MCTP2: variants seen among roughly 807,000 people sequenced by gnomAD.
MCTP2 encodes multiple C2 and transmembrane domain containing 2.
MCTP2 carries 132 observed loss-of-function variants against 111.6 expected under a neutral mutation model. That is an observed-to-expected ratio of 1.18 (90% CI 1.03 to 1.37). The LOEUF (loss-of-function observed/expected upper bound fraction) is 1.37. Ranked by LOEUF, MCTP2 falls within the 40% of genes most tolerant of loss-of-function variation. MCTP2 has a pLI of 0.00. For synonymous variants in MCTP2, 395 were observed against 387.7 expected (o/e 1.02, Z -0.22); for missense variants, 1,183 against 1,067.9 (o/e 1.11, Z -1.50).
chr15:94,347,886 A>T (rs755329279), intron 8 of MCTP2, among the ~76,000 whole-genome samples: 6 of 136,916 alleles, frequency 4.4e-5, no homozygotes, highest in African/African-American at 8.0e-5. Flanking sequence ...TCTCTCTCTC[A>T]CACACACACA....
intron 8 of MCTP2, among the ~76,000 whole-genome samples, chr15:94,347,354 A>G (rs915268311): frequency 8.5e-5 from 13 of 152,188 alleles, no homozygotes; most frequent in Admixed American, 6.5e-5. Flanking sequence ...CTTAGCTCTG[A>G]GTATTAAAAT....
intron 2 of MCTP2, among the ~76,000 whole-genome samples, chr15:94,313,423 C>T (rs1394157468): frequency 2.0e-5 from 3 of 152,144 alleles, no homozygotes; most frequent in Non-Finnish European, 4.4e-5. Flanking sequence ...AACATAGGGG[C>T]CGGGCATGGT....
rs143746073 is a variant in MCTP2, at chr15:94,254,363, A to G, written c.-66+22699A>G. 3.2e-3 allele frequency among the ~76,000 whole-genome samples: 484 copies of G among 152,324 alleles called. 5 individuals carry two copies. The highest frequency in any genetic ancestry group is 9.9e-3 in the African/African-American group (411 of 41,550). ...AGGTATAAGCACAGATGTTGTGGTC[A>G]GAGAGAACCTGGTTCGAATCCTGGC... On this transcript the variant is annotated intron_variant, in intron 1 of 22. Transcript: ENST00000357742.
chr15:94,338,488 ATTT>A (rs201502636), intron 4 of MCTP2, among the ~76,000 whole-genome samples: 8 of 134,168 alleles, frequency 6.0e-5, no homozygotes, highest in Non-Finnish European at 6.3e-5. Context: ...GTTTGCAGGC[ATTT>A]TTTTTTTTTT....
At chr15:94,238,714 A>G (rs1198267806) in intron 1 of MCTP2, among the ~76,000 whole-genome samples, 1 of 152,130 alleles carries the variant, frequency 6.6e-6, no homozygotes, top group African/African-American at 2.4e-5. Context: ...GTGCTATGAG[A>G]GCAGGTGGTG....
intron 1 of MCTP2, among the ~76,000 whole-genome samples, chr15:94,245,435 T>C (rs528054884): frequency 7.2e-6 from 1 of 138,080 alleles, no homozygotes; most frequent in Non-Finnish European, 1.5e-5. Flanking sequence ...TATATATTTA[T>C]ATATACACAT....
chr15:94,423,577 A>G (rs1485389331), intron 17 of MCTP2, among the ~76,000 whole-genome samples: 1 of 152,224 alleles, frequency 6.6e-6, no homozygotes, highest in Non-Finnish European at 1.5e-5. Flanking sequence ...ACTACTGTGG[A>G]ATCATACATA....
intron 10 of MCTP2, among the ~76,000 whole-genome samples, chr15:94,359,720 G>A (rs2078818552): frequency 6.6e-6 from 1 of 152,154 alleles, no homozygotes; most frequent in Admixed American, 6.5e-5. Flanking sequence ...GAGGCCCAAG[G>A]AAGTGAAATT....
At chr15:94,401,018 C>CCTGGGTT (rs2081560086) in intron 16 of MCTP2, among the ~76,000 whole-genome samples, 1 of 151,926 alleles carries the variant, frequency 6.6e-6, no homozygotes, top group Admixed American at 6.6e-5. Flanking sequence ...AAAGTTAAAA[C>CCTGGGTT]CTGGGTTGAG....
intron 19 of MCTP2, among the ~76,000 whole-genome samples, chr15:94,449,430 G>A (rs2084311301): frequency 6.6e-6 from 1 of 152,142 alleles, no homozygotes; most frequent in Non-Finnish European, 1.5e-5. Flanking sequence ...ATCTCTTCTG[G>A]TCTAAATCTT....
intron 17 of MCTP2, among the ~76,000 whole-genome samples, chr15:94,430,703 G>C (rs983522560): frequency 6.6e-6 from 1 of 152,180 alleles, no homozygotes; most frequent in Admixed American, 6.6e-5. Flanking sequence ...AGTGAGCTGA[G>C]GTTGTGCCAC....
At chr15:94,275,513 G>A (rs2074142898) in intron 1 of MCTP2, among the ~76,000 whole-genome samples, 1 of 151,742 alleles carries the variant, frequency 6.6e-6, no homozygotes, top group Admixed American at 6.6e-5. Flanking sequence ...AAATTTTAAA[G>A]TGAATTAAAG....
At chr15:94,307,780 A>G (rs182679745) in intron 2 of MCTP2, among the ~76,000 whole-genome samples, 2 of 152,236 alleles carry the variant, frequency 1.3e-5, no homozygotes, top group Non-Finnish European at 2.9e-5. Context: ...GGCTGTGGGC[A>G]GAGGGAAAAT....
intron 10 of MCTP2, among the ~76,000 whole-genome samples, chr15:94,363,624 G>T (rs1271229628): frequency 6.6e-6 from 1 of 152,166 alleles, no homozygotes; most frequent in African/African-American, 2.4e-5. Context: ...TGGATTCCAT[G>T]TCTTGCAGAT....
chr15:94,464,257 T>TATTATA (rs4001978), intron 20 of MCTP2, among the ~76,000 whole-genome samples: 20 of 44,946 alleles, frequency 4.4e-4, no homozygotes, highest in Admixed American at 1.0e-3. Context: ...TATATATATA[T>TATTATA]TATATATATA....
chr15:94,476,540 T>TC lies in MCTP2; in HGVS notation c.2471-152dup. On this transcript the variant is annotated intron_variant, in intron 21 of 22. Transcript: ENST00000357742. ...TCACACTAATTTTTACTTGTGAATA[T>TC]CCCCTCTCCCCCGAGTCAGGCGAGT... 4 of 509,818 alleles carry TC rather than the reference T, an allele frequency of 7.8e-6. No homozygotes were observed. In the South Asian group the frequency reaches 1.0e-4, roughly 13 times the overall value. The allele number at this position is 509,818 out of a possible 1,614,324, so 31.6% of individuals were successfully genotyped here.
intron 17 of MCTP2, among the ~76,000 whole-genome samples, chr15:94,425,136 TA>T (rs1420491936): frequency 6.6e-6 from 1 of 152,210 alleles, no homozygotes; most frequent in East Asian, 1.9e-4. Flanking sequence ...ATTACATCTT[TA>T]AATCTACTTG....
intron 8 of MCTP2, among the ~76,000 whole-genome samples, chr15:94,352,137 A>C (rs2078338701): frequency 6.6e-6 from 1 of 152,222 alleles, no homozygotes; most frequent in Non-Finnish European, 1.5e-5. Flanking sequence ...ATGACAGTAC[A>C]TTCCCTGTTT....
Position 94,234,029 on chromosome 15 carries a change from A to AT in MCTP2, c.-66+2375dup, listed in dbSNP as rs1001532305. Among the ~76,000 whole-genome samples the AT allele has an allele frequency of 5.6e-4, 85 of 150,454 alleles. No individual in the cohort carries two copies. The South Asian group carries it at 9.7e-3, about 17-fold the overall frequency. On this transcript the variant is annotated intron_variant, in intron 1 of 22. Transcript: ENST00000357742. ...TTTGCCTGCGTCAATCTTGGCACAG[A>AT]TTTTTTTTTTCCCTCTATCTTCACG...
Sources: gnomAD v4.1 joint callset for allele counts (sites outside exome capture counted in the v4.1 genomes callset) on GRCh38, gnomAD v4.1.1 for gene constraint, MANE v1.5 for transcripts, NCBI Gene and HGNC (gene_info 2026-07-23, HGNC 2026-07-21) for gene names.